TRRAP: variants seen among roughly 807,000 people sequenced by gnomAD.
TRRAP encodes the protein transformation/transcription domain associated protein.
TRRAP carries 41 observed loss-of-function variants against 438.8 expected under a neutral mutation model. The ratio of observed to expected loss-of-function variants is 0.09; its 90% CI spans 0.07 to 0.12. The LOEUF (loss-of-function observed/expected upper bound fraction) is 0.12. TRRAP is among the 10% of genes least tolerant of loss of function. The pLI, the probability that TRRAP is intolerant of heterozygous loss-of-function variation, is 1.00. For missense variants in TRRAP, 3,122 were observed against 5,055.1 expected (o/e 0.62, Z 11.60); for synonymous variants, 1,994 against 1,962.9 (o/e 1.02, Z -0.42).
At chr7:98,964,826 A>G (rs749753193) in intron 48 of TRRAP, 51 bp downstream of exon 48, 8 of 1,565,352 alleles carry the variant, frequency 5.1e-6, no homozygotes, top group African/African-American at 1.4e-5. Flanking sequence ...TGAACAGAGA[A>G]CAGACTCTGT....
chr7:98,992,600 G>A (rs1029678978), intron 65 of TRRAP, among the ~76,000 whole-genome samples: 1 of 151,554 alleles, frequency 6.6e-6, no homozygotes, highest in African/African-American at 2.4e-5. Context: ...TAAGTTATGA[G>A]GAGTATCTTC....
chr7:98,938,534 A>AT (rs575813831), intron 30 of TRRAP, among the ~76,000 whole-genome samples: 230 of 136,360 alleles, frequency 1.7e-3, no homozygotes, highest in African/African-American at 5.2e-3. Context: ...ATGTGTATAT[A>AT]TTTTTTCCTA....
chr7:98,889,736 G>A (rs559453536), intron 3 of TRRAP, among the ~76,000 whole-genome samples: 1 of 151,784 alleles, frequency 6.6e-6, no homozygotes. Context: ...AAAATTTTTT[G>A]TAGAGATGGA....
chr7:98,883,375 A>G (rs1554403453), intron 3 of TRRAP, among the ~76,000 whole-genome samples: 2 of 152,292 alleles, frequency 1.3e-5, no homozygotes, highest in East Asian at 1.9e-4. Context: ...TTTGTTTATT[A>G]AGACCATATT....
chr7:98,951,745 T>C (rs1791347611), intron 39 of TRRAP, among the ~76,000 whole-genome samples: 1 of 152,246 alleles, frequency 6.6e-6, no homozygotes, highest in African/African-American at 2.4e-5. Context: ...TTCTTGGACC[T>C]TACATAGTCT....
rs1554417879 is a variant in TRRAP at position 98,950,059 on chromosome 7, T to C, written c.5136-5T>C. The C allele has an allele frequency of 6.2e-7, 1 of 1,614,144 alleles. No homozygotes were observed. The highest frequency in any genetic ancestry group is 1.7e-5 in the Admixed American group (1 of 59,994). ...TTAACCTGTCTTCTTCTTTTGACCC[T>C]CCAGAAGGAATTACGGAGATATAGA... is the stretch of plus-strand genomic sequence containing the variant. On this transcript the variant is annotated splice_polypyrimidine_tract_variant and splice_region_variant and intron_variant, in intron 37 of 72. Transcript: ENST00000456197.
At chr7:98,901,307 C>T (rs781918644) in intron 11 of TRRAP, among the ~76,000 whole-genome samples, 10 of 152,340 alleles carry the variant, frequency 6.6e-5, no homozygotes, top group East Asian at 1.9e-4. Context: ...ACACGGCCAC[C>T]GTCCTGCCAG....
chr7:99,000,279 G>C (rs930230660), intron 67 of TRRAP, among the ~76,000 whole-genome samples: 2 of 152,174 alleles, frequency 1.3e-5, no homozygotes, highest in African/African-American at 4.8e-5. Flanking sequence ...AAAGTGCTGG[G>C]ATTACAGGTG....
intron 51 of TRRAP, among the ~76,000 whole-genome samples, chr7:98,969,412 C>G (rs1792306177): frequency 6.6e-6 from 1 of 152,230 alleles, no homozygotes; most frequent in South Asian, 2.1e-4. Flanking sequence ...TCAGTCCACC[C>G]TGTTTCCTGG....
intron 19 of TRRAP, 54 bp downstream of exon 19, chr7:98,915,942 G>A (rs1354433998): frequency 5.6e-6 from 9 of 1,600,790 alleles, no homozygotes; most frequent in Non-Finnish European, 7.7e-6. Context: ...GTAGTCATGT[G>A]TCTAGCCATC....
intron 16 of TRRAP, 115 bp from the exon 17 acceptor site, chr7:98,910,962 G>T: frequency 1.2e-6 from 1 of 839,698 alleles, no homozygotes. Context: ...GGGGACATTT[G>T]TTATCTAATT....
chr7:98,997,235 G>A (rs1273032583), intron 67 of TRRAP, among the ~76,000 whole-genome samples: 1 of 151,994 alleles, frequency 6.6e-6, no homozygotes. Context: ...GAACTTGGGA[G>A]ACGGAGGTTG....
intron 38 of TRRAP, among the ~76,000 whole-genome samples, chr7:98,950,553 T>C (rs1307862582): frequency 6.6e-6 from 1 of 152,174 alleles, no homozygotes; most frequent in Non-Finnish European, 1.5e-5. Flanking sequence ...GGCTGGGCTG[T>C]AGGTGAGAAA....
At chr7:98,931,729 T>G in intron 26 of TRRAP, 64 bp downstream of exon 26, 2 of 1,577,218 alleles carry the variant, frequency 1.3e-6, no homozygotes, top group Non-Finnish European at 1.7e-6. Context: ...TTTTTTAAAT[T>G]TGAGTTGAGG....
chr7:98,881,802 T>G, intron 2 of TRRAP, 173 bp from the exon 3 acceptor site: 1 of 605,138 alleles, frequency 1.7e-6, no homozygotes, highest in Non-Finnish European at 2.9e-6. Context: ...TGTCTGGGAG[T>G]ACAAATGGGT....
At chr7:98,882,340 ACTTTT>A (rs1554403235) in intron 3 of TRRAP, among the ~76,000 whole-genome samples, 8 of 148,824 alleles carry the variant, frequency 5.4e-5, no homozygotes, top group Non-Finnish European at 1.2e-4. Flanking sequence ...TTATTCTTGT[ACTTTT>A]CTTTCTTTCT....
chr7:98,891,205 T>TATATATATA (rs35255192), intron 4 of TRRAP, among the ~76,000 whole-genome samples: 8 of 72,728 alleles, frequency 1.1e-4, no homozygotes, highest in Admixed American at 1.8e-4. Context: ...ATATATATAT[T>TATATATATA]TTTTTTTTTT....
At chr7:99,006,221 A>G (rs1456933233) in intron 69 of TRRAP, among the ~76,000 whole-genome samples, 1 of 152,216 alleles carries the variant, frequency 6.6e-6, no homozygotes, top group Non-Finnish European at 1.5e-5. Context: ...ATGACTTTTT[A>G]GCATGTAATC....
At chr7:98,969,933 G>A (rs1792334231) in intron 51 of TRRAP, among the ~76,000 whole-genome samples, 179 bp from the exon 52 acceptor site, 1 of 152,104 alleles carries the variant, frequency 6.6e-6, no homozygotes, top group Non-Finnish European at 1.5e-5. Context: ...ACGATGCCTT[G>A]GAGGGGTTGG....
Sources: allele counts gnomAD v4.1 joint callset (sites outside exome capture counted in the v4.1 genomes callset), GRCh38; gene constraint gnomAD v4.1.1; transcripts MANE v1.5; gene names NCBI Gene and HGNC (gene_info 2026-07-23, HGNC 2026-07-21).